The following WDR19 variants were observed in gnomAD, a reference collection of about 807,000 sequenced individuals.
WDR19 encodes WD repeat domain 19, also known as WD repeat-containing protein 19.
Under a neutral mutation model 180.0 loss-of-function variants are expected in WDR19, and 121 were observed. That is an observed-to-expected ratio of 0.67 (90% CI 0.58 to 0.78). WDR19 has a LOEUF of 0.78. Among genes scored for constraint, WDR19 ranks in the 30% least tolerant of loss-of-function variants. The probability of loss-of-function intolerance (pLI) is 0.00; values close to 1 mark genes in which losing one functional copy is unlikely to be tolerated. For synonymous variants in WDR19, 497 were observed against 540.7 expected, an observed-to-expected ratio of 0.92 and a Z score of 1.12; for missense variants, 1,450 against 1,640.7, an observed-to-expected ratio of 0.88 and a Z score of 2.01.
intron 33 of WDR19, 62 bp from the exon 34 acceptor site, chr4:39,276,958 C>T (rs1735961347): frequency 1.2e-6 from 2 of 1,600,016 alleles, no homozygotes; most frequent in East Asian, 2.2e-5. Flanking sequence ...TATGCTTTCT[C>T]TTTGCCATCC....
chr4:39,241,933 A>ATTTTT (rs11456597), intron 21 of WDR19, among the ~76,000 whole-genome samples: 1 of 145,392 alleles, frequency 6.9e-6, no homozygotes, highest in Non-Finnish European at 1.5e-5. Flanking sequence ...TGTAATATGG[A>ATTTTT]TTTTTTTTTT....
intron 15 of WDR19, among the ~76,000 whole-genome samples, chr4:39,226,441 A>G (rs1044323458): frequency 6.6e-6 from 1 of 152,234 alleles, no homozygotes; most frequent in Non-Finnish European, 1.5e-5. Context: ...CTTTTAGTAT[A>G]GTGTTAGCCA....
At chr4:39,184,311 G>A (rs1725283789) in intron 1 of WDR19, among the ~76,000 whole-genome samples, 1 of 151,886 alleles carries the variant, frequency 6.6e-6, no homozygotes, top group South Asian at 2.1e-4. Context: ...TCGGGAGGCT[G>A]AGGCAGGAGA....
At position 39,186,843 on chromosome 4, in the gene WDR19, C is replaced by A. The variant is rs549161970; in HGVS notation, c.164+239C>A. Among the ~76,000 whole-genome samples, 25 of 152,212 alleles carry A rather than the reference C, an allele frequency of 1.6e-4. No homozygotes were observed. In the South Asian group the frequency reaches 5.2e-3, roughly 32 times the overall value. On this transcript the variant is annotated intron_variant, in intron 3 of 36. Transcript: ENST00000399820. ...CCTTACGGCAGGATTATAAATCAGACCGTGTGAAAGAATTAGAGTCCACAC... is the reference window on the plus strand; with the variant it reads ...CCTTACGGCAGGATTATAAATCAGAACGTGTGAAAGAATTAGAGTCCACAC...
Position 39,228,241 on chromosome 4 carries a change from T to G in WDR19, c.1661T>G (p.Phe554Cys). 1 of 1,613,398 alleles carries G rather than the reference T, an allele frequency of 6.2e-7. No homozygotes were observed. The highest frequency in any genetic ancestry group is 1.1e-5 in the South Asian group (1 of 91,020). The change falls in exon 16 of 37, where the codon TTT becomes TGT. Residue 554 changes from phenylalanine (F) to cysteine (C), a missense_variant. Coordinates refer to ENST00000399820, the MANE Select transcript of WDR19 (RefSeq NM_025132.4). Reference protein sequence around the residue: ...VNDATYEIPDFSPTIKGVLWE... With the variant: ...VNDATYEIPDCSPTIKGVLWE... ...GACGCTACCTATGAGATTCCAGATT[T>G]TTCACCAACCATTAAAGGTGTTCTT...
In WDR19 at chr4:39,224,985, C is replaced by A. The variant is rs114689848; in HGVS notation, c.1581C>A (p.Thr527=). 2,420 of 1,573,522 alleles carry A rather than the reference C, an allele frequency of 1.5e-3. 37 individuals carry two copies. In the African/African-American group the frequency reaches 0.029, roughly 19 times the overall value. Residue 527 remains threonine, a synonymous_variant, in exon 15 of 37, where the codon ACC becomes ACA. Transcript: ENST00000399820. ...AGATTTTTCCCGACCCAAATGGGACCAGATTAGTTTTCATTGATGAAAAAA... is the reference window on the plus strand; with the variant it reads ...AGATTTTTCCCGACCCAAATGGGACAAGATTAGTTTTCATTGATGAAAAAA... ...VKKIFPDPNG[T]RLVFIDEKSD...
Position 39,228,766 on chromosome 4 carries a change from T to A in WDR19, c.1982+76T>A, listed in dbSNP as rs76055490. ...TAAAGGTCAAATCCTATAATTATTC[T>A]ATCTTATTTTATTGCTTTATTCTTT... On this transcript the variant is annotated intron_variant, in intron 17 of 36. Transcript: ENST00000399820. The A allele has an allele frequency of 4.7e-4, 666 of 1,404,184 alleles. 1 individual carries two copies. The African/African-American group carries it at 8.9e-3, about 19-fold the overall frequency. 87.0% of individuals were successfully genotyped at this position (1,404,184 alleles called of 1,614,324 possible).
intron 6 of WDR19, among the ~76,000 whole-genome samples, chr4:39,202,945 T>C (rs1727526947): frequency 6.6e-6 from 1 of 152,086 alleles, no homozygotes; most frequent in Non-Finnish European, 1.5e-5. Context: ...GGTTAGTTTT[T>C]TCCAAAACTG....
chr4:39,281,236 TAGAGAGAGAG>T lies in WDR19; in HGVS notation c.*13+2591_*13+2600del, dbSNP rs1553919999. On this transcript the variant is annotated intron_variant, in intron 36 of 36. Transcript: ENST00000399820. Reference sequence around the variant, plus strand: ...GTGTGTATATATATATATATATATATAGAGAGAGAGAGAGAGAGAGAGAGAGAAAGCCTAC... The same window carrying T: ...GTGTGTATATATATATATATATATATAGAGAGAGAGAGAGAGAAAGCCTAC... 4.8e-5 allele frequency among the ~76,000 whole-genome samples: 5 copies of T among 104,044 alleles called. No individual in the cohort carries two copies. In the South Asian group the frequency reaches 9.2e-4, roughly 19 times the overall value. The allele number at this position is 104,044 out of a possible 152,430, so 68.3% of individuals were successfully genotyped here.
At chr4:39,278,051 CAAAAA>C in intron 34 of WDR19, 75 bp from the exon 35 acceptor site, 4 of 1,106,348 alleles carry the variant, frequency 3.6e-6, no homozygotes, top group East Asian at 2.8e-5. Flanking sequence ...AAGATTCCGT[CAAAAA>C]AAAAAAAAAA....
rs78177445 is a variant in WDR19 at position 39,227,452 on chromosome 4, A to G, written c.1630-758A>G. On this transcript the variant is annotated intron_variant, in intron 15 of 36. Transcript: ENST00000399820. ...ATTCAGCCAACTGTAGATCAAAAAT[A>G]TTCAGGGGAAAAATGGATGGTTTTG... 1.3e-3 allele frequency among the ~76,000 whole-genome samples: 200 copies of G among 152,312 alleles called. 1 individual carries two copies. The highest frequency in any genetic ancestry group is 2.5e-3 in the Non-Finnish European group (170 of 68,018).
intron 9 of WDR19, 128 bp downstream of exon 9, chr4:39,205,864 C>A: frequency 2.2e-6 from 2 of 889,332 alleles, no homozygotes; most frequent in Non-Finnish European, 3.3e-6. Context: ...GACTACTTTG[C>A]TCCTGATTTT....
intron 36 of WDR19, among the ~76,000 whole-genome samples, chr4:39,283,429 G>A (rs968973834): frequency 3.3e-5 from 5 of 151,526 alleles, no homozygotes; most frequent in Non-Finnish European, 7.4e-5. Context: ...CTGAATTTAG[G>A]TCTACAATTT....
In WDR19 at chr4:39,193,534, A is replaced by AT. The variant is rs200540550; in HGVS notation, c.291-1004dup. Among the ~76,000 whole-genome samples, 9 of 152,182 alleles carry AT rather than the reference A, an allele frequency of 5.9e-5. No homozygotes were observed. In the East Asian group the frequency reaches 1.5e-3, roughly 26 times the overall value. On this transcript the variant is annotated intron_variant, in intron 4 of 36. Coordinates refer to ENST00000399820, the MANE Select transcript of WDR19 (RefSeq NM_025132.4). ...CTAATTTTTCCACATACTTTAAATT[A>AT]TTTTTTCTCTTCCAAGTAACATCAT...
chr4:39,195,393 A>T (rs1445736485), intron 5 of WDR19, among the ~76,000 whole-genome samples: 3 of 150,550 alleles, frequency 2.0e-5, no homozygotes, highest in Admixed American at 1.3e-4. Context: ...AAAACAAACA[A>T]ACAAAAAAAA....
intron 1 of WDR19, among the ~76,000 whole-genome samples, chr4:39,184,591 C>T (rs1016218025): frequency 7.2e-5 from 11 of 151,926 alleles, no homozygotes; most frequent in Non-Finnish European, 1.6e-4. Flanking sequence ...CTCAGCCTCC[C>T]AAGTAGATGG....
chr4:39,261,584 G>A (rs1368046765), intron 28 of WDR19, among the ~76,000 whole-genome samples: 1 of 152,188 alleles, frequency 6.6e-6, no homozygotes, highest in Non-Finnish European at 1.5e-5. Context: ...TCATGCCTGG[G>A]CAAATTGGGT....
chr4:39,224,816 A>G lies in WDR19; in HGVS notation c.1480-68A>G, dbSNP rs200928972. 2.7e-5 allele frequency: 36 copies of G among 1,318,798 alleles called. No individual in the cohort carries two copies. The East Asian group carries it at 4.4e-4, about 16-fold the overall frequency. The allele number at this position is 1,318,798 out of a possible 1,614,324, so 81.7% of individuals were successfully genotyped here. A position where few individuals can be genotyped will look rare whatever the true frequency, so the allele number is the denominator to read the frequency against. On this transcript the variant is annotated intron_variant, in intron 14 of 36. Coordinates refer to ENST00000399820, the MANE Select transcript of WDR19 (RefSeq NM_025132.4). ...AAATTAGAACATATGTTTAATTTAA[A>G]TGTTGAAAGTTAGGATTTCCTTGAC... is the stretch of plus-strand genomic sequence containing the variant.
At chr4:39,274,989 A>C in intron 33 of WDR19, 31 bp downstream of exon 33, 1 of 1,584,998 alleles carries the variant, frequency 6.3e-7, no homozygotes, top group Non-Finnish European at 8.5e-7. Context: ...CTGCTATCTA[A>C]TCGTATTTCT....
Sources: allele counts gnomAD v4.1 joint callset (sites outside exome capture counted in the v4.1 genomes callset), GRCh38; gene constraint gnomAD v4.1.1; transcripts MANE v1.5; gene names NCBI Gene and HGNC (gene_info 2026-07-23, HGNC 2026-07-21).